The following NTM variants were observed in gnomAD, a reference collection of about 807,000 sequenced individuals.
NTM encodes IgLON family member 2.
NTM carries 13 observed loss-of-function variants against 42.1 expected under a neutral mutation model. That is an observed-to-expected ratio of 0.31 (90% CI 0.20 to 0.49). The LOEUF (loss-of-function observed/expected upper bound fraction) is 0.49. Among genes scored for constraint, NTM ranks in the 20% least tolerant of loss-of-function variants. The pLI, the probability that NTM is intolerant of heterozygous loss-of-function variation, is 0.99. For missense variants in NTM, 373 were observed against 452.8 expected, an observed-to-expected ratio of 0.82 and a Z score of 1.60; for synonymous variants, 187 against 179.2, an observed-to-expected ratio of 1.04 and a Z score of -0.35.
chr11:132,049,909 G>A (rs532657239), intron 2 of NTM, among the ~76,000 whole-genome samples: 2 of 152,224 alleles, frequency 1.3e-5, no homozygotes, highest in South Asian at 4.1e-4. Context: ...TCCTTTGCTG[G>A]GTGGGGGGCC....
intron 6 of NTM, 136 bp downstream of exon 6, chr11:132,310,368 G>A: frequency 1.3e-6 from 1 of 775,668 alleles, no homozygotes; most frequent in Non-Finnish European, 1.9e-6. Flanking sequence ...GGGCAAATGT[G>A]CAAAGAAGTC....
intron 1 of NTM, among the ~76,000 whole-genome samples, chr11:131,808,687 AG>A (rs1443598285): frequency 3.3e-5 from 5 of 152,144 alleles, no homozygotes; most frequent in Non-Finnish European, 7.3e-5. Flanking sequence ...TTGTAGGGAG[AG>A]GAGTGCTCCT....
At chr11:131,468,603 A>G (rs192915644) in intron 1 of NTM, among the ~76,000 whole-genome samples, 11 of 152,292 alleles carry the variant, frequency 7.2e-5, no homozygotes, top group Admixed American at 7.2e-4. Flanking sequence ...GAGAGAAAAT[A>G]TCATGTCAAT....
At chr11:132,164,705 GT>G (rs1469679700) in intron 3 of NTM, among the ~76,000 whole-genome samples, 1 of 152,130 alleles carries the variant, frequency 6.6e-6, no homozygotes, top group Non-Finnish European at 1.5e-5. Context: ...TCTTCCACAA[GT>G]TCTTCTCAAT....
chr11:132,199,966 C>T (rs2080897910), intron 3 of NTM, among the ~76,000 whole-genome samples: 1 of 152,102 alleles, frequency 6.6e-6, no homozygotes, highest in African/African-American at 2.4e-5. Flanking sequence ...GTTGAAACTT[C>T]TCTCTTTCCC....
At chr11:131,914,818 G>T (rs759045830) in intron 2 of NTM, among the ~76,000 whole-genome samples, 10 of 152,222 alleles carry the variant, frequency 6.6e-5, no homozygotes, top group Non-Finnish European at 1.3e-4. Flanking sequence ...TTAATTGAGT[G>T]CTCACTATGT....
intron 2 of NTM, among the ~76,000 whole-genome samples, chr11:132,061,665 A>T (rs1401063141): frequency 6.6e-6 from 1 of 152,198 alleles, no homozygotes; most frequent in Non-Finnish European, 1.5e-5. Flanking sequence ...TTGATAACTC[A>T]TGAGTGGGAA....
chr11:131,561,170 A>G (rs1302654961), intron 1 of NTM, among the ~76,000 whole-genome samples: 1 of 152,210 alleles, frequency 6.6e-6, no homozygotes, highest in Non-Finnish European at 1.5e-5. Context: ...GCTTCCATTC[A>G]CTGGGCCCCA....
intron 2 of NTM, among the ~76,000 whole-genome samples, chr11:132,078,234 C>T (rs2058609317): frequency 6.6e-6 from 1 of 152,158 alleles, no homozygotes; most frequent in African/African-American, 2.4e-5. Context: ...TCAAGGATTC[C>T]AAATGAGGAC....
At chr11:131,383,071 T>C (rs879893327) in intron 1 of NTM, among the ~76,000 whole-genome samples, 15 of 152,206 alleles carry the variant, frequency 9.9e-5, no homozygotes, top group African/African-American at 3.4e-4. Flanking sequence ...TGCCCCTGTG[T>C]CCATTGTTTA....
chr11:131,630,847 C>G lies in NTM; in HGVS notation c.82+259959C>G, dbSNP rs190291639. Among the ~76,000 whole-genome samples the G allele has an allele frequency of 3.2e-3, 486 of 152,236 alleles. 2 individuals are homozygous for G. The highest frequency in any genetic ancestry group is 0.011 in the African/African-American group (460 of 41,542). On this transcript the variant is annotated intron_variant, in intron 1 of 8. Transcript: ENST00000683400. ...CATACTACATGAAATTTTAACTAGG[C>G]TTTTTAGGGATTTAGAATTTTTTCC...
chr11:131,781,342 C>T (rs2136009681), intron 1 of NTM, among the ~76,000 whole-genome samples: 1 of 151,290 alleles, frequency 6.6e-6, no homozygotes, highest in Non-Finnish European at 1.5e-5. Flanking sequence ...TTCATAAAAA[C>T]AAATCATACT....
intron 1 of NTM, among the ~76,000 whole-genome samples, chr11:131,819,210 C>T (rs1207244349): frequency 5.3e-5 from 8 of 152,142 alleles, no homozygotes; most frequent in Admixed American, 6.5e-5. Flanking sequence ...AACTTCTCTA[C>T]TGGGGAGACC....
At position 131,767,194 on chromosome 11, in the gene NTM, T is replaced by C. The variant is rs143334696; in HGVS notation, c.83-144370T>C. On this transcript the variant is annotated intron_variant, in intron 1 of 8. Coordinates refer to ENST00000683400, the MANE Select transcript of NTM (RefSeq NM_001352005.2). ...CAAAGACAAATTACTTAACCAAATA[T>C]GGTTTCTTCAAATCCAAAAAGAGTT... 3.9e-5 allele frequency: 31 copies of C among 788,200 alleles called. 2 individuals are homozygous for C. In the African/African-American group the frequency reaches 5.0e-4, roughly 13 times the overall value. The allele number at this position is 788,200 out of a possible 1,614,324, so 48.8% of individuals were successfully genotyped here. A position where few individuals can be genotyped will look rare whatever the true frequency, so the allele number is the denominator to read the frequency against.
chr11:131,906,764 C>T (rs1024645153), intron 1 of NTM, among the ~76,000 whole-genome samples: 1 of 151,950 alleles, frequency 6.6e-6, no homozygotes, highest in Non-Finnish European at 1.5e-5. Context: ...CTCACCTTTG[C>T]CATTCCTTCA....
At chr11:132,128,937 C>CAA (rs66598841) in intron 2 of NTM, among the ~76,000 whole-genome samples, 47 of 66,080 alleles carry the variant, frequency 7.1e-4, no homozygotes, top group African/African-American at 1.0e-3. Flanking sequence ...GACACCATCT[C>CAA]AAAAAAAAAA....
chr11:132,008,858 C>CT (rs2071421675), intron 2 of NTM, among the ~76,000 whole-genome samples: 1 of 148,208 alleles, frequency 6.7e-6, no homozygotes. Context: ...TCTTTCTTTC[C>CT]TTGTTTTCTT....
chr11:132,136,790 G>T (rs2068006874), intron 2 of NTM, among the ~76,000 whole-genome samples: 4 of 152,156 alleles, frequency 2.6e-5, no homozygotes, highest in Admixed American at 6.5e-5. Context: ...ATAGGAGTGT[G>T]CTAGAGGCAG....
At chr11:131,608,093 G>T (rs2061144421) in intron 1 of NTM, among the ~76,000 whole-genome samples, 1 of 151,968 alleles carries the variant, frequency 6.6e-6, no homozygotes, top group Non-Finnish European at 1.5e-5. Context: ...TCCCCTTCCT[G>T]TGTCCATGTG....
Sources: allele counts gnomAD v4.1 joint callset (sites outside exome capture counted in the v4.1 genomes callset), GRCh38; gene constraint gnomAD v4.1.1; transcripts MANE v1.5; gene names NCBI Gene and HGNC (gene_info 2026-07-23, HGNC 2026-07-21).